The following SERPINE2 variants were observed in gnomAD, a reference collection of about 807,000 sequenced individuals.
The protein encoded by SERPINE2 is serpin family E member 2.
Under a neutral mutation model 36.3 loss-of-function variants are expected in SERPINE2, and 14 were observed. That is an observed-to-expected ratio of 0.39 (90% CI 0.25 to 0.60). SERPINE2 has a LOEUF of 0.60. Among genes scored for constraint, SERPINE2 ranks in the 20% least tolerant of loss-of-function variants. The pLI is 0.57. For synonymous variants in SERPINE2, 192 were observed against 191.8 expected (o/e 1.00, Z -0.01); for missense variants, 418 against 499.6 (o/e 0.84, Z 1.56).
chr2:223,976,605 T>C (rs1055815237), intron 8 of SERPINE2, among the ~76,000 whole-genome samples: 1 of 152,208 alleles, frequency 6.6e-6, no homozygotes, highest in African/African-American at 2.4e-5. Flanking sequence ...TTAAATAAAA[T>C]AGTAAAAGCT....
At chr2:224,028,546 A>G (rs1468735225) in intron 1 of SERPINE2, among the ~76,000 whole-genome samples, 1 of 152,084 alleles carries the variant, frequency 6.6e-6, no homozygotes, top group Non-Finnish European at 1.5e-5. Flanking sequence ...TCAGGATCCA[A>G]AGTGTCCACC....
At chr2:224,019,752 T>TTTATTTA (rs1239843003) in intron 1 of SERPINE2, among the ~76,000 whole-genome samples, 22 of 47,454 alleles carry the variant, frequency 4.6e-4, no homozygotes, top group African/African-American at 1.2e-3. Context: ...GAGGAAGTCT[T>TTTATTTA]TTTTTTTTTT....
At chr2:223,990,549 A>G (rs1437283570) in intron 4 of SERPINE2, among the ~76,000 whole-genome samples, 1 of 152,198 alleles carries the variant, frequency 6.6e-6, no homozygotes, top group East Asian at 1.9e-4. Context: ...ACATACAGTA[A>G]ATGAGGGCCC....
chr2:223,984,790 G>A lies in SERPINE2; in HGVS notation c.846C>T (p.Ser282=), dbSNP rs1261135830. 2 of 1,613,512 alleles carry A rather than the reference G, an allele frequency of 1.2e-6. No homozygotes were observed. The highest frequency in any genetic ancestry group is 2.2e-5 in the South Asian group (2 of 91,040). ...ISTKTIDSWM[S]IMVPKRVQVI... The stretch of plus-strand genomic sequence containing the variant: ...CCTGCACCCTCTTGGGCACCATGAT[G>A]CTCATCCAGCTGTCTATGGTCTTGG... The change falls in exon 5 of 9, where the codon AGC becomes AGT. Residue 282 remains serine (S), a synonymous_variant. Coordinates refer to ENST00000409304, the MANE Select transcript of SERPINE2 (RefSeq NM_001136528.2).
chr2:224,001,206 C>G (rs1691109197), intron 2 of SERPINE2, among the ~76,000 whole-genome samples: 1 of 152,162 alleles, frequency 6.6e-6, no homozygotes, highest in Non-Finnish European at 1.5e-5. Flanking sequence ...TGGCCACCAC[C>G]ACAATCAAGA....
intron 4 of SERPINE2, among the ~76,000 whole-genome samples, chr2:223,991,530 T>A (rs932532380): frequency 3.3e-5 from 5 of 152,230 alleles, no homozygotes; most frequent in African/African-American, 4.8e-5. Flanking sequence ...CTTTAAGTTT[T>A]CAACCAAAAA....
chr2:223,990,301 A>C (rs190288542), intron 4 of SERPINE2, among the ~76,000 whole-genome samples: 279 of 152,312 alleles, frequency 1.8e-3, no homozygotes, highest in Non-Finnish European at 2.0e-3. Context: ...ATCTTTGACA[A>C]TAAGAATGTA....
At chr2:223,983,852 C>T (rs1690324582) in intron 5 of SERPINE2, among the ~76,000 whole-genome samples, 1 of 151,364 alleles carries the variant, frequency 6.6e-6, no homozygotes, top group South Asian at 2.1e-4. Flanking sequence ...GGCAGATTCT[C>T]ACCACAGATG....
chr2:224,012,558 C>T (rs1223920742), intron 1 of SERPINE2, among the ~76,000 whole-genome samples: 1 of 149,888 alleles, frequency 6.7e-6, no homozygotes, highest in African/African-American at 2.5e-5. Context: ...AGCCGAGATC[C>T]CACCACTGCA....
intron 1 of SERPINE2, among the ~76,000 whole-genome samples, chr2:224,021,255 G>A (rs895332166): frequency 2.6e-5 from 4 of 152,144 alleles, no homozygotes; most frequent in African/African-American, 9.7e-5. Flanking sequence ...AGAAAGAAAG[G>A]GTGCCCGGAA....
chr2:223,998,382 G>T lies in SERPINE2; in HGVS notation c.260-40C>A, dbSNP rs373733097. 5 of 1,510,784 alleles carry T rather than the reference G, an allele frequency of 3.3e-6. No individual in the cohort carries two copies. In the African/African-American group the frequency reaches 5.5e-5, roughly 17 times the overall value. 93.6% of individuals were successfully genotyped at this position (1,510,784 alleles called of 1,614,324 possible). A position where few individuals can be genotyped will look rare whatever the true frequency, so the allele number is the denominator to read the frequency against. On this transcript the variant is annotated intron_variant, in intron 2 of 8. Transcript: ENST00000409304. The stretch of plus-strand genomic sequence containing the variant: ...AGAAGATACAGCAATACTTCCATAA[G>T]AATCTAGAAAAGTTTTTAAAATCTT...
intron 1 of SERPINE2, among the ~76,000 whole-genome samples, chr2:224,026,362 C>A (rs1441796138): frequency 2.6e-5 from 4 of 152,246 alleles, no homozygotes; most frequent in Non-Finnish European, 5.9e-5. Flanking sequence ...GAAGTTATAA[C>A]CTCAAGAACA....
chr2:224,025,737 C>T (rs1364597332), intron 1 of SERPINE2, among the ~76,000 whole-genome samples: 11 of 152,182 alleles, frequency 7.2e-5, no homozygotes, highest in East Asian at 1.9e-4. Flanking sequence ...CTTTTCAAAA[C>T]GATGTGCAAC....
At chr2:224,019,710 C>CAGA (rs1244091053) in intron 1 of SERPINE2, among the ~76,000 whole-genome samples, 5 of 149,984 alleles carry the variant, frequency 3.3e-5, no homozygotes, top group African/African-American at 4.9e-5. Context: ...CAGTGGCCAC[C>CAGA]ATCTTATAAG....
intron 3 of SERPINE2, among the ~76,000 whole-genome samples, chr2:223,993,185 A>T (rs966610992): frequency 1.3e-5 from 2 of 152,196 alleles, no homozygotes; most frequent in Non-Finnish European, 2.9e-5. Flanking sequence ...TCTGTCCTAG[A>T]ACTCCTAATT....
intron 1 of SERPINE2, among the ~76,000 whole-genome samples, chr2:224,038,070 T>C (rs1225161700): frequency 2.0e-5 from 3 of 152,194 alleles, no homozygotes; most frequent in African/African-American, 7.2e-5. Flanking sequence ...GTTTAGGATA[T>C]ACAAATTAGC....
At chr2:224,027,959 C>T (rs1451295552) in intron 1 of SERPINE2, among the ~76,000 whole-genome samples, 1 of 152,146 alleles carries the variant, frequency 6.6e-6, no homozygotes, top group African/African-American at 2.4e-5. Flanking sequence ...TCTCTTTTAC[C>T]CTCTAGAATG....
At chr2:224,004,224 A>C (rs1214706991) in intron 1 of SERPINE2, among the ~76,000 whole-genome samples, 4 of 152,194 alleles carry the variant, frequency 2.6e-5, no homozygotes, top group Admixed American at 2.6e-4. Context: ...AGCCACCATC[A>C]CATCGAGCAA....
At chr2:223,978,181 A>T (rs1414286698) in intron 7 of SERPINE2, 1 of 152,672 alleles carries the variant, frequency 6.5e-6, no homozygotes, top group Non-Finnish European at 1.5e-5. Flanking sequence ...ACAGGCATGC[A>T]CCACCACGCC....
Sources: gnomAD v4.1 joint callset for allele counts (sites outside exome capture counted in the v4.1 genomes callset) on GRCh38, gnomAD v4.1.1 for gene constraint, MANE v1.5 for transcripts, NCBI Gene and HGNC (gene_info 2026-07-23, HGNC 2026-07-21) for gene names.